Variants in RORA observed in about 807,000 individuals in gnomAD.
The protein encoded by RORA is RAR related orphan receptor A.
Under a neutral mutation model 69.5 loss-of-function variants are expected in RORA, and 7 were observed. The observed-to-expected ratio is 0.10, with a 90% confidence interval of 0.06 to 0.19. The LOEUF (loss-of-function observed/expected upper bound fraction) is 0.19. Among genes scored for constraint, RORA ranks in the 10% least tolerant of loss-of-function variants. The pLI is 1.00. For synonymous variants in RORA, 261 were observed against 240.8 expected, an observed-to-expected ratio of 1.08 and a Z score of -0.78; for missense variants, 457 against 663.0, an observed-to-expected ratio of 0.69 and a Z score of 3.41.
At chr15:60,845,975 G>C (rs2073260300) in intron 1 of RORA, among the ~76,000 whole-genome samples, 1 of 152,172 alleles carries the variant, frequency 6.6e-6, no homozygotes. Flanking sequence ...TCAATCTCCT[G>C]ACCTCGTGAT....
chr15:60,693,404 C>G (rs1567158666), intron 1 of RORA, among the ~76,000 whole-genome samples: 1 of 152,218 alleles, frequency 6.6e-6, no homozygotes, highest in Non-Finnish European at 1.5e-5. Context: ...CAAGGATGCC[C>G]TCTCTCACCA....
intron 1 of RORA, among the ~76,000 whole-genome samples, chr15:61,079,070 G>A (rs1286795033): frequency 4.0e-5 from 6 of 151,576 alleles, no homozygotes; most frequent in South Asian, 2.1e-4. Flanking sequence ...TTAGCTTCAC[G>A]TGCCCAAAAC....
chr15:60,901,258 C>G (rs142033236), intron 1 of RORA, among the ~76,000 whole-genome samples: 2,352 of 152,152 alleles, frequency 0.015, 51 homozygotes, highest in African/African-American at 0.054. Flanking sequence ...TGCAACCACT[C>G]CCTCCTGGGT....
intron 1 of RORA, among the ~76,000 whole-genome samples, chr15:61,174,034 C>G (rs2079607323): frequency 6.6e-6 from 1 of 152,322 alleles, no homozygotes; most frequent in Admixed American, 6.5e-5. Context: ...GAAAACATTT[C>G]CATCCTGTTC....
At chr15:60,942,199 G>C (rs935635631) in intron 1 of RORA, among the ~76,000 whole-genome samples, 3 of 152,096 alleles carry the variant, frequency 2.0e-5, no homozygotes, top group African/African-American at 7.2e-5. Flanking sequence ...ATAATGGTCA[G>C]CTACTGTGCA....
intron 1 of RORA, among the ~76,000 whole-genome samples, chr15:60,878,513 G>A (rs1653447578): frequency 6.6e-6 from 1 of 152,168 alleles, no homozygotes; most frequent in South Asian, 2.1e-4. Flanking sequence ...CTCAGAAACT[G>A]AAGATGTGTT....
chr15:60,706,143 T>A (rs759683177), intron 1 of RORA: 2 of 152,154 alleles, frequency 1.3e-5, no homozygotes, highest in African/African-American at 2.4e-5. Context: ...AAAAACAGGA[T>A]CGTTTGACTG....
At chr15:61,132,304 T>G (rs1441195328) in intron 1 of RORA, among the ~76,000 whole-genome samples, 3 of 152,134 alleles carry the variant, frequency 2.0e-5, no homozygotes, top group Non-Finnish European at 1.5e-5. Flanking sequence ...TTAACGGATG[T>G]TTGAATGATT....
At chr15:60,544,419 GT>G (rs35430465) in intron 2 of RORA, among the ~76,000 whole-genome samples, 77,395 of 152,050 alleles carry the variant, frequency 0.51, 22,944 homozygotes, top group East Asian at 0.83. Context: ...CAGAATAAAA[GT>G]TCTGGCAGCT....
intron 1 of RORA, among the ~76,000 whole-genome samples, chr15:61,164,065 A>C (rs562366307): frequency 6.6e-6 from 1 of 152,288 alleles, no homozygotes; most frequent in East Asian, 1.9e-4. Flanking sequence ...TGGAGGTTTC[A>C]TCTCTCAAGA....
At chr15:60,633,533 C>G (rs1037338190) in intron 2 of RORA, among the ~76,000 whole-genome samples, 2 of 152,180 alleles carry the variant, frequency 1.3e-5, no homozygotes, top group African/African-American at 4.8e-5. Context: ...AAATAGCCCC[C>G]TTCCTAAGAG....
chr15:60,796,008 T>A (rs1176635293), intron 1 of RORA, among the ~76,000 whole-genome samples: 2 of 152,206 alleles, frequency 1.3e-5, no homozygotes, highest in Non-Finnish European at 2.9e-5. Context: ...AATATAACCA[T>A]CATCATTATA....
At chr15:60,841,354 T>A (rs1455090581) in intron 1 of RORA, among the ~76,000 whole-genome samples, 1 of 152,182 alleles carries the variant, frequency 6.6e-6, no homozygotes, top group African/African-American at 2.4e-5. Flanking sequence ...ACAATTTGGA[T>A]CGTCCTGTGG....
At chr15:60,867,063 G>A (rs1471818111) in intron 1 of RORA, among the ~76,000 whole-genome samples, 9 of 151,920 alleles carry the variant, frequency 5.9e-5, no homozygotes, top group Non-Finnish European at 1.3e-4. Context: ...ACGGGGTTTC[G>A]CCATGTTTCC....
At position 61,194,968 on chromosome 15, in the gene RORA, C is replaced by CAA. The variant is rs5813080; in HGVS notation, c.166+34083_166+34084dup. On this transcript the variant is annotated intron_variant, in intron 1 of 10. Transcript: ENST00000335670. ...TAAAATGATTAATATAGCACCAGAA[C>CAA]AAAAAAAAAAGCCCTTTAGTTGCTG... 5.1e-3 allele frequency among the ~76,000 whole-genome samples: 744 copies of CAA among 147,162 alleles called. 5 individuals are homozygous for CAA. Among genetic ancestry groups the CAA allele is most frequent in the Admixed American group, 0.023 (336 of 14,760 alleles).
intron 1 of RORA, among the ~76,000 whole-genome samples, chr15:61,130,331 T>C (rs1212660647): frequency 6.6e-6 from 1 of 152,156 alleles, no homozygotes; most frequent in African/African-American, 2.4e-5. Flanking sequence ...GACTTCAAAA[T>C]CTTCCACAAC....
At chr15:60,788,028 G>A (rs1439448340) in intron 1 of RORA, among the ~76,000 whole-genome samples, 1 of 152,204 alleles carries the variant, frequency 6.6e-6, no homozygotes, top group African/African-American at 2.4e-5. Flanking sequence ...TCACAAACTT[G>A]GAGAGGTCTA....
At chr15:60,625,247 T>C (rs926760849) in intron 2 of RORA, among the ~76,000 whole-genome samples, 2 of 152,142 alleles carry the variant, frequency 1.3e-5, no homozygotes, top group East Asian at 1.9e-4. Flanking sequence ...CTTTTGTCCA[T>C]GTTTAGATTT....
intron 1 of RORA, among the ~76,000 whole-genome samples, chr15:60,969,878 C>G (rs1523528): frequency 0.99 from 150,462 of 152,338 alleles, 74,330 homozygotes; most frequent in Middle Eastern, 1. Flanking sequence ...GCTGTATTTA[C>G]TCATGGGGCC....
Sources: allele counts gnomAD v4.1 joint callset (sites outside exome capture counted in the v4.1 genomes callset), GRCh38; gene constraint gnomAD v4.1.1; transcripts MANE v1.5; gene names NCBI Gene and HGNC (gene_info 2026-07-23, HGNC 2026-07-21).